CHTF18: variants seen among roughly 807,000 people sequenced by gnomAD.
CHTF18 encodes chromosome transmission fidelity factor 18, also known as chromosome transmission fidelity protein 18 homolog.
A neutral mutation model predicts 113.4 loss-of-function variants in CHTF18; 151 were observed. The observed-to-expected ratio is 1.33, with a 90% confidence interval of 1.17 to 1.52. CHTF18 has a LOEUF of 1.52. CHTF18 is among the 40% of genes most tolerant of loss of function. The pLI, the probability that CHTF18 is intolerant of heterozygous loss-of-function variation, is 0.00. For synonymous variants in CHTF18, 916 were observed against 598.8 expected, an observed-to-expected ratio of 1.53 and a Z score of -7.74; for missense variants, 1,982 against 1,381.6, an observed-to-expected ratio of 1.43 and a Z score of -6.89.
rs373608352 is a variant in CHTF18, at chr16:788,955, G to A, written c.116G>A (p.Gly39Glu). 1.7e-4 allele frequency: 261 copies of A among 1,565,942 alleles called. No individual in the cohort carries two copies. The African/African-American group carries it at 3.0e-3, about 18-fold the overall frequency. ...LEGASTPSPS[G>E]VPLFTAGRPP... is the part of the protein sequence containing the mutation. ...GGGGCGTCGACTCCGTCGCCCTCCG[G>A]GGTCCCCCTGTTCACCGCGGGCCGA... Residue 39 changes from glycine to glutamate, a missense_variant, in exon 2 of 22, where the codon GGG becomes GAG. Transcript: ENST00000262315.
chr16:789,110 G>C lies in CHTF18; in HGVS notation c.271G>C (p.Gly91Arg). Residue 91 changes from glycine (G) to arginine (R), a missense_variant, in exon 2 of 22, where the codon GGG (glycine) becomes CGG (arginine). Coordinates refer to ENST00000262315, the MANE Select transcript of CHTF18 (RefSeq NM_022092.3). ...RQVDADLQPAGSLPHAPRIKR... is the reference protein window; with the variant it reads ...RQVDADLQPARSLPHAPRIKR... ...GGTGGACGCCGACCTGCAGCCGGCC[G>C]GGTCCCTGCCCCACGGTAGGTTGGC... 1 of 1,534,870 alleles carries C rather than the reference G, an allele frequency of 6.5e-7. No individual in the cohort carries two copies. Among genetic ancestry groups the C allele is most frequent in the African/African-American group, 1.4e-5 (1 of 72,516 alleles).
At position 792,964 on chromosome 16, in the gene CHTF18, A is replaced by G; in HGVS notation, c.1573-2A>G. 1.3e-6 allele frequency: 2 copies of G among 1,554,890 alleles called. No homozygotes were observed. The highest frequency in any genetic ancestry group is 1.7e-6 in the Non-Finnish European group (2 of 1,149,726). On this transcript the variant is annotated splice_acceptor_variant, in intron 12 of 21. Coordinates refer to ENST00000262315, the MANE Select transcript of CHTF18 (RefSeq NM_022092.3). LOFTEE classifies it high-confidence loss of function. ...GGCCCTCCAGCAGCCCTTCTCCACC[A>G]GGTCTCCCTGCGGCAGGGCATGAGG...
At chr16:791,432 C>A in intron 8 of CHTF18, 62 bp downstream of exon 8, 2 of 1,500,998 alleles carry the variant, frequency 1.3e-6, no homozygotes, top group Non-Finnish European at 1.8e-6. Context: ...GCGCCGGCAC[C>A]CTTGCAGCCT....
intron 18 of CHTF18, among the ~76,000 whole-genome samples, chr16:796,443 G>A (rs1052084968): frequency 6.6e-6 from 1 of 152,354 alleles, no homozygotes; most frequent in East Asian, 1.9e-4. Flanking sequence ...CTGCCCCAGC[G>A]ACGGCACCAA....
rs1295802868 is a variant in CHTF18 at position 789,602 on chromosome 16, A to G, written c.493A>G (p.Asn165Asp). ...GLTRASPAAR[N>D]PVLRRPPILE... ...CACACGGGCCTCACCAGCTGCCCGC[A>G]ATCCCGTCCTGAGGCGGCCCCCCAT... is the stretch of plus-strand genomic sequence containing the variant. The change falls in exon 4 of 22, where the codon AAT (asparagine) becomes GAT (aspartate). Residue 165 changes from asparagine to aspartate, a missense_variant. By Grantham distance (23) the Asn-to-Asp change is conservative. Coordinates refer to ENST00000262315, the MANE Select transcript of CHTF18 (RefSeq NM_022092.3). The G allele has an allele frequency of 6.8e-6, 11 of 1,609,186 alleles. 1 individual carries two copies. Among genetic ancestry groups the G allele is most frequent in the Non-Finnish European group, 9.3e-6 (11 of 1,179,668 alleles).
At chr16:793,566 G>A (rs1044031548) in intron 14 of CHTF18, 12 of 565,898 alleles carry the variant, frequency 2.1e-5, no homozygotes, top group Non-Finnish European at 3.8e-5. Flanking sequence ...CTCAGCTGCT[G>A]TCCCAGTTGC....
At position 789,952 on chromosome 16, in the gene CHTF18, C is replaced by A. The variant is rs571360479; in HGVS notation, c.607-225C>A. Reference sequence around the variant, plus strand: ...GGAGAGGGCCTCCTTGCTTCCCCTCCTGCTTTTGCCCTTTCCTCCTTTCTC... The same window carrying A: ...GGAGAGGGCCTCCTTGCTTCCCCTCATGCTTTTGCCCTTTCCTCCTTTCTC... On this transcript the variant is annotated intron_variant, in intron 4 of 21. Coordinates refer to ENST00000262315, the MANE Select transcript of CHTF18 (RefSeq NM_022092.3). The A allele has an allele frequency of 7.4e-5, 114 of 1,530,952 alleles. No individual in the cohort carries two copies. In the South Asian group the frequency reaches 1.3e-3, roughly 17 times the overall value. The allele number at this position is 1,530,952 out of a possible 1,614,324, so 94.8% of individuals were successfully genotyped here. A position where few individuals can be genotyped will look rare whatever the true frequency, so the allele number is the denominator to read the frequency against.
chr16:797,662 C>T (rs749099467), intron 20 of CHTF18, 32 bp from the exon 21 acceptor site: 3 of 1,609,670 alleles, frequency 1.9e-6, no homozygotes, highest in Non-Finnish European at 8.5e-7. Context: ...GGCATCTGTC[C>T]TATACGACTG....
rs1359171342 is a variant in CHTF18, at chr16:790,764, C to T, written c.894+98C>T. 3.5e-6 allele frequency: 5 copies of T among 1,442,124 alleles called. No individual in the cohort carries two copies. In the African/African-American group the frequency reaches 5.7e-5, roughly 17 times the overall value. The allele number at this position is 1,442,124 out of a possible 1,614,324, so 89.3% of individuals were successfully genotyped here. On this transcript the variant is annotated intron_variant, in intron 7 of 21. Coordinates refer to ENST00000262315, the MANE Select transcript of CHTF18 (RefSeq NM_022092.3). ...TTTTTGCACAGCCAATCCACTGGGC[C>T]TCGGAGACGGAGTGGGCTCTGGTTT... is the stretch of plus-strand genomic sequence containing the variant.
At chr16:791,718 T>A in intron 8 of CHTF18, 133 bp from the exon 9 acceptor site, 1 of 1,443,390 alleles carries the variant, frequency 6.9e-7, no homozygotes, top group South Asian at 1.5e-5. Flanking sequence ...CTCAATTTTG[T>A]TCTTATTTGA....
chr16:797,862 T>G lies in CHTF18; in HGVS notation c.2815T>G (p.Ser939Ala). Residue 939 changes from serine (S) to alanine (A), a missense_variant, in exon 22 of 22, where the codon TCA becomes GCA. Coordinates refer to ENST00000262315, the MANE Select transcript of CHTF18 (RefSeq NM_022092.3). ...AGGGGACACGGCCCCGGAGCAGGAC[T>G]CAGTGGAGCGGCGCATGGGCACAGC... is the stretch of plus-strand genomic sequence containing the variant. ...SAGDTAPEQDSVERRMGTAVG... is the reference protein window; with the variant it reads ...SAGDTAPEQDAVERRMGTAVG... The G allele has an allele frequency of 6.2e-7, 1 of 1,608,084 alleles. No individual in the cohort carries two copies. Among genetic ancestry groups the G allele is most frequent in the Non-Finnish European group, 8.5e-7 (1 of 1,177,900 alleles).
Position 789,137 on chromosome 16 carries a change from G to A in CHTF18, c.286+12G>A. On this transcript the variant is annotated intron_variant, in intron 2 of 21. Coordinates refer to ENST00000262315, the MANE Select transcript of CHTF18 (RefSeq NM_022092.3). The stretch of plus-strand genomic sequence containing the variant: ...GTCCCTGCCCCACGGTAGGTTGGCG[G>A]CATTGCCCCAGGGCCTCCGGAGTGG... 6.5e-7 allele frequency: 1 copy of A among 1,547,206 alleles called. No homozygotes were observed. Among genetic ancestry groups the A allele is most frequent in the Non-Finnish European group, 8.7e-7 (1 of 1,145,738 alleles).
At position 796,703 on chromosome 16, in the gene CHTF18, CCT is replaced by C. The variant is rs776141452; in HGVS notation, c.2457-13_2457-12del. The C allele has an allele frequency of 3.8e-6, 6 of 1,592,212 alleles. No individual in the cohort carries two copies. The Middle Eastern group carries it at 5.0e-4, about 132-fold the overall frequency. ...CCCCGCTGACCTGCCCTGGTGTCCC[CCT>C]GTGCTGAGCAGGAACGTGGAGGAAC... On this transcript the variant is annotated splice_polypyrimidine_tract_variant and intron_variant, in intron 18 of 21. Coordinates refer to ENST00000262315, the MANE Select transcript of CHTF18 (RefSeq NM_022092.3).
Position 798,006 on chromosome 16 carries a change from G to A in CHTF18, c.*31G>A, listed in dbSNP as rs2042405340. 6.3e-7 allele frequency: 1 copy of A among 1,594,704 alleles called. No individual in the cohort carries two copies. The highest frequency in any genetic ancestry group is 8.6e-7 in the Non-Finnish European group (1 of 1,169,392). Reference sequence around the variant, plus strand: ...TGAGCCGCGGACATGCCCTCGCATTGCTTCCCGCAGAGTGCAGAGACAGGA... The same window carrying A: ...TGAGCCGCGGACATGCCCTCGCATTACTTCCCGCAGAGTGCAGAGACAGGA... On this transcript the variant is annotated 3_prime_UTR_variant, in exon 22 of 22. Transcript: ENST00000262315.
intron 4 of CHTF18, 169 bp from the exon 5 acceptor site, chr16:790,008 T>C (rs1193984397): frequency 2.0e-6 from 3 of 1,535,482 alleles, no homozygotes; most frequent in Non-Finnish European, 1.7e-6. Flanking sequence ...CCTTTGCAGC[T>C]GACCCATCTG....
Position 791,182 on chromosome 16 carries a change from A to C in CHTF18, c.916A>C (p.Lys306Gln). Residue 306 changes from lysine to glutamine, a missense_variant, in exon 8 of 22, where the codon AAG (lysine) becomes CAG (glutamine). By Grantham distance (53) the Lys-to-Gln change is moderately conservative. Coordinates refer to ENST00000262315, the MANE Select transcript of CHTF18 (RefSeq NM_022092.3). ...GCAGTTCACCAACCGCTGCCTGCTC[A>C]AGTGGCTGAAGTTGTGGGACCTGGT... ...SDDFTNRCLL[K>Q]WLKLWDLVVF... 2 of 1,611,494 alleles carry C rather than the reference A, an allele frequency of 1.2e-6. No individual in the cohort carries two copies. The highest frequency in any genetic ancestry group is 1.1e-5 in the South Asian group (1 of 90,788).
rs558955964 is a variant in CHTF18, at chr16:790,484, C to T, written c.753-41C>T. 451 of 1,607,128 alleles carry T rather than the reference C, an allele frequency of 2.8e-4. 3 individuals are homozygous for T. In the South Asian group the frequency reaches 3.2e-3, roughly 12 times the overall value. On this transcript the variant is annotated intron_variant, in intron 6 of 21. Transcript: ENST00000262315. ...CTCCTAGCGTGTGGGTTGGCATGGT[C>T]CCTGCGAGTTGTTTGTGGCTCAGGA...
At chr16:790,128 C>T (rs1434539409) in intron 4 of CHTF18, 49 bp from the exon 5 acceptor site, 2 of 1,550,388 alleles carry the variant, frequency 1.3e-6, no homozygotes, top group Admixed American at 1.9e-5. Flanking sequence ...TGACGTGAAT[C>T]CTGTGACCTA....
In CHTF18 at chr16:792,430, T is replaced by A; in HGVS notation, c.1327-9T>A. 1 of 1,559,610 alleles carries A rather than the reference T, an allele frequency of 6.4e-7. No individual in the cohort carries two copies. The highest frequency in any genetic ancestry group is 1.2e-5 in the South Asian group (1 of 85,086). On this transcript the variant is annotated splice_polypyrimidine_tract_variant and intron_variant, in intron 10 of 21. Coordinates refer to ENST00000262315, the MANE Select transcript of CHTF18 (RefSeq NM_022092.3). ...CCTGGACTCACCGTGTCCTCTGACC[T>A]CCCCCAAGGCCGCCATCAACGTCCT... is the stretch of plus-strand genomic sequence containing the variant.
Sources: gnomAD v4.1 joint callset for allele counts (sites outside exome capture counted in the v4.1 genomes callset) on GRCh38, gnomAD v4.1.1 for gene constraint, MANE v1.5 for transcripts, NCBI Gene and HGNC (gene_info 2026-07-23, HGNC 2026-07-21) for gene names.